Variants in FGFR1 observed in about 807,000 individuals in gnomAD.
FGFR1 encodes the protein fibroblast growth factor receptor 1.
In FGFR1, 18 loss-of-function variants were observed where a neutral mutation model predicts 93.7. The observed-to-expected ratio is 0.19, with a 90% confidence interval of 0.13 to 0.28. FGFR1 has a LOEUF of 0.28. Among genes scored for constraint, FGFR1 ranks in the 10% least tolerant of loss-of-function variants. The pLI is 1.00. For missense variants in FGFR1, 731 were observed against 1,080.4 expected, an observed-to-expected ratio of 0.68 and a Z score of 4.53; for synonymous variants, 448 against 429.3, an observed-to-expected ratio of 1.04 and a Z score of -0.54.
At position 38,426,481 on chromosome 8, in the gene FGFR1, T is replaced by C. The variant is rs1204662145; in HGVS notation, c.622-236A>G. Among the ~76,000 whole-genome samples the C allele has an allele frequency of 6.6e-6, 1 of 152,184 alleles. No individual in the cohort carries two copies. Among genetic ancestry groups the C allele is most frequent in the Admixed American group, 6.5e-5 (1 of 15,290 alleles). Reference sequence around the variant, plus strand: ...GAAGTCTCCACTGTGACGTTCAAGATCATTCGTGATCCGGACAGATGTGCC... The same window carrying C: ...GAAGTCTCCACTGTGACGTTCAAGACCATTCGTGATCCGGACAGATGTGCC... On this transcript the variant is annotated intron_variant, in intron 5 of 17. Coordinates refer to ENST00000447712, the MANE Select transcript of FGFR1 (RefSeq NM_023110.3). The surrounding 1 kb of genome is among the most constrained non-coding windows in gnomAD (Gnocchi z 4.1).
intron 1 of FGFR1, chr8:38,460,954 C>T (rs2151422168): frequency 4.9e-6 from 5 of 1,021,426 alleles, no homozygotes; most frequent in Admixed American, 2.0e-5. Flanking sequence ...CTCCAAGACC[C>T]TGCAGCTGGT....
Position 38,429,532 on chromosome 8 carries a change from G to T in FGFR1, c.358+150C>A. 1 of 935,412 alleles carries T rather than the reference G, an allele frequency of 1.1e-6. No individual in the cohort carries two copies. Among genetic ancestry groups the T allele is most frequent in the Non-Finnish European group, 1.6e-6 (1 of 609,402 alleles). The allele number at this position is 935,412 out of a possible 1,614,324, so 57.9% of individuals were successfully genotyped here. ...TCTCTGAGAGCCAAGCCACGCGGCA[G>T]GCAGGGAGCAATGTTAGTGGGCAGC... On this transcript the variant is annotated intron_variant, in intron 3 of 17. Transcript: ENST00000447712. The surrounding 1 kb of genome is among the most constrained non-coding windows in gnomAD (Gnocchi z 4.4).
At chr8:38,457,876 C>A (rs372194532) in intron 1 of FGFR1, among the ~76,000 whole-genome samples, 1 of 152,002 alleles carries the variant, frequency 6.6e-6, no homozygotes, top group African/African-American at 2.4e-5. Context: ...CCAGTTACTT[C>A]GGAGGCTAAG....
In FGFR1 at chr8:38,411,291, A is replaced by AAGG; in HGVS notation, c.*2336_*2337insCCT. 1 of 210,910 alleles carries AAGG rather than the reference A, an allele frequency of 4.7e-6. No individual in the cohort carries two copies. The highest frequency in any genetic ancestry group is 1.9e-4 in the South Asian group (1 of 5,336). 13.1% of individuals were successfully genotyped at this position (210,910 alleles called of 1,614,324 possible). On this transcript the variant is annotated 3_prime_UTR_variant, in exon 18 of 18. Coordinates refer to ENST00000447712, the MANE Select transcript of FGFR1 (RefSeq NM_023110.3). ...CTCCCAAGGACTTATGAAGACTTTT[A>AAGG]GATTCTTCATCCCTTCACACAACAT...
chr8:38,447,640 A>G lies in FGFR1; in HGVS notation c.91+9716T>C, dbSNP rs1208325547. On this transcript the variant is annotated intron_variant, in intron 2 of 17. Coordinates refer to ENST00000447712, the MANE Select transcript of FGFR1 (RefSeq NM_023110.3). The stretch of plus-strand genomic sequence containing the variant: ...GGGACTACAGGTGGCCGCCATCATG[A>G]CCGGCTAATTTTTGTATTTTTAGTA... Among the ~76,000 whole-genome samples the G allele has an allele frequency of 2.0e-5, 3 of 152,132 alleles. No homozygotes were observed. In the East Asian group the frequency reaches 5.8e-4, roughly 30 times the overall value.
chr8:38,422,702 T>C, intron 7 of FGFR1: 2 of 350,784 alleles, frequency 5.7e-6, no homozygotes, highest in Non-Finnish European at 1.0e-5. Flanking sequence ...GTGCCTGGCC[T>C]ATGGCCCCTT....
In FGFR1 at chr8:38,418,297, G is replaced by A. The variant is rs1817464656; in HGVS notation, c.1361C>T (p.Thr454Ile). The change falls in exon 10 of 18, where the codon ACT becomes ATT. Residue 454 changes from threonine to isoleucine, a missense_variant. Transcript: ENST00000447712. ...CTCAGAGACCCCTGCTAGCATGGGA[G>A]TCCCACTGGAGGAGAGCCGTGATGG... is the stretch of plus-strand genomic sequence containing the variant. Reference protein sequence around the residue: ...VRPSRLSSSGTPMLAGVSEYE... With the variant: ...VRPSRLSSSGIPMLAGVSEYE... 1 of 1,614,204 alleles carries A rather than the reference G, an allele frequency of 6.2e-7. No homozygotes were observed. Among genetic ancestry groups the A allele is most frequent in the Non-Finnish European group, 8.5e-7 (1 of 1,180,028 alleles).
intron 1 of FGFR1, among the ~76,000 whole-genome samples, chr8:38,466,990 C>T (rs772530714): frequency 1.8e-4 from 28 of 151,656 alleles, no homozygotes; most frequent in Non-Finnish European, 3.8e-4. Flanking sequence ...TAAAATTCCT[C>T]CGCAAACATG....
rs201574031 is a variant in FGFR1 at position 38,429,799 on chromosome 8, T to C, written c.241A>G (p.Ile81Val). The change falls in exon 3 of 18, where the codon ATC (isoleucine) becomes GTC (valine). Residue 81 changes from isoleucine to valine, a missense_variant. Around this residue, in one of 10 missense-constraint regions of FGFR1, gnomAD observed 212 missense variants for 205.8 expected, o/e 1.03. Coordinates refer to ENST00000447712, the MANE Select transcript of FGFR1 (RefSeq NM_023110.3). This position sits in a 1 kb window ranked among gnomAD's most constrained non-coding sequence, Gnocchi z 4.4. ...VQLAESNRTRITGEEVEVQDS... is the reference protein window; with the variant it reads ...VQLAESNRTRVTGEEVEVQDS... Reference sequence around the variant, plus strand: ...TGCACCTCCACCTCCTCCCCTGTGATGCGGGTGCGGTTGCTTTCCGCCAGC... The same window carrying C: ...TGCACCTCCACCTCCTCCCCTGTGACGCGGGTGCGGTTGCTTTCCGCCAGC... The C allele has an allele frequency of 7.4e-5, 119 of 1,613,200 alleles. No individual in the cohort carries two copies. Among genetic ancestry groups the C allele is most frequent in the Non-Finnish European group, 8.0e-5 (94 of 1,179,716 alleles).
At chr8:38,448,854 G>A (rs1830209767) in intron 2 of FGFR1, among the ~76,000 whole-genome samples, 1 of 152,128 alleles carries the variant, frequency 6.6e-6, no homozygotes, top group African/African-American at 2.4e-5. Context: ...TCTCGGGAGG[G>A]TGAGGCAGAA....
At chr8:38,461,197 A>C in intron 1 of FGFR1, 2 of 1,494,588 alleles carry the variant, frequency 1.3e-6, no homozygotes, top group Non-Finnish European at 1.8e-6. Flanking sequence ...CAGGGTGGAC[A>C]GTGTCTGGTG....
At chr8:38,431,558 T>G (rs751907823) in intron 2 of FGFR1, among the ~76,000 whole-genome samples, 1 of 152,190 alleles carries the variant, frequency 6.6e-6, no homozygotes, top group Non-Finnish European at 1.5e-5. Flanking sequence ...CTTCCTCAAG[T>G]GCTCAACAGG....
chr8:38,421,995 G>C (rs977805260), intron 7 of FGFR1, 54 bp from the exon 8 acceptor site: 4 of 1,600,378 alleles, frequency 2.5e-6, no homozygotes, highest in African/African-American at 1.3e-5. Context: ...AGACCTCTAA[G>C]AGACGCAGAG....
chr8:38,431,186 C>T (rs1822975211), intron 2 of FGFR1, among the ~76,000 whole-genome samples: 1 of 152,206 alleles, frequency 6.6e-6, no homozygotes, highest in Admixed American at 6.5e-5. Context: ...CTGTGGCTCA[C>T]GGCTGCCCCA....
chr8:38,428,331 G>C lies in FGFR1; in HGVS notation c.448+15C>G, dbSNP rs1480600550. On this transcript the variant is annotated intron_variant, in intron 4 of 17. Coordinates refer to ENST00000447712, the MANE Select transcript of FGFR1 (RefSeq NM_023110.3). ...CCAGACCCAAAGGGCAGTAAGATAGGAAACAGTGTCTCACGCATACGGTTT... is the reference window on the plus strand; with the variant it reads ...CCAGACCCAAAGGGCAGTAAGATAGCAAACAGTGTCTCACGCATACGGTTT... 1.2e-6 allele frequency: 2 copies of C among 1,612,498 alleles called. No homozygotes were observed. The highest frequency in any genetic ancestry group is 1.1e-5 in the South Asian group (1 of 91,034).
intron 2 of FGFR1, among the ~76,000 whole-genome samples, chr8:38,436,277 G>A (rs1302112709): frequency 6.6e-6 from 1 of 152,106 alleles, no homozygotes; most frequent in African/African-American, 2.4e-5. Flanking sequence ...TTGGGAGGCA[G>A]AGGAGGGAGG....
At chr8:38,420,590 A>C (rs1387379074) in intron 8 of FGFR1, among the ~76,000 whole-genome samples, 1 of 151,712 alleles carries the variant, frequency 6.6e-6, no homozygotes, top group African/African-American at 2.4e-5. Context: ...AGTTCGGTCC[A>C]CCTTTCCCTT....
chr8:38,416,034 C>A lies in FGFR1; in HGVS notation c.1690G>T (p.Ala564Ser), dbSNP rs2150591135. 6.2e-7 allele frequency: 1 copy of A among 1,613,324 alleles called. No homozygotes were observed. The highest frequency in any genetic ancestry group is 8.5e-7 in the Non-Finnish European group (1 of 1,179,860). The change falls in exon 13 of 18, where the codon GCC (alanine) becomes TCC (serine). Residue 564 changes from alanine (A) to serine (S), a missense_variant. Ala to Ser is a moderately conservative substitution (Grantham distance 99). This residue lies in a region of FGFR1 where 62 missense variants were observed against 99.5 expected (regional missense o/e 0.62). Coordinates refer to ENST00000447712, the MANE Select transcript of FGFR1 (RefSeq NM_023110.3). ...TACTCCCGCAGGTTGCCCTTGGAGG[C>A]ATACTCCACGATGACATACAAGGGA... The part of the protein sequence containing the change: ...DGPLYVIVEY[A>S]SKGNLREYLQ...
rs1013055811 is a variant in FGFR1 at position 38,429,319 on chromosome 8, G to A, written c.358+363C>T. 1.8e-6 allele frequency: 1 copy of A among 571,032 alleles called. No homozygotes were observed. Among genetic ancestry groups the A allele is most frequent in the South Asian group, 1.4e-5 (1 of 70,898 alleles). 35.4% of individuals were successfully genotyped at this position (571,032 alleles called of 1,614,324 possible). On this transcript the variant is annotated intron_variant, in intron 3 of 17. Coordinates refer to ENST00000447712, the MANE Select transcript of FGFR1 (RefSeq NM_023110.3). This position sits in a 1 kb window ranked among gnomAD's most constrained non-coding sequence, Gnocchi z 4.4. ...CTCTAATCACTAAGCCGAGTACCAA[G>A]TCCAAATGGCAAGGGAGTGATGGAG...
Sources: gnomAD v4.1 joint callset for allele counts (sites outside exome capture counted in the v4.1 genomes callset) on GRCh38, gnomAD v4.1.1 for gene constraint, gnomAD v4.1.1 regional missense constraint, Gnocchi (gnomAD v3.1) non-coding constraint, MANE v1.5 for transcripts, NCBI Gene and HGNC (gene_info 2026-07-23, HGNC 2026-07-21) for gene names.